PLCB1: variants seen among roughly 807,000 people sequenced by gnomAD.
The protein encoded by PLCB1 is phospholipase C beta 1, also known as 1-phosphatidylinositol 4,5-bisphosphate phosphodiesterase beta-1.
Under a neutral mutation model 161.8 loss-of-function variants are expected in PLCB1, and 46 were observed. That is an observed-to-expected ratio of 0.28 (90% CI 0.22 to 0.36). The LOEUF (loss-of-function observed/expected upper bound fraction) is 0.36. Ranked by LOEUF, PLCB1 falls within the 10% of genes least tolerant of loss-of-function variation. The probability of loss-of-function intolerance (pLI) is 1.00; values close to 1 mark genes in which losing one functional copy is unlikely to be tolerated. For missense variants in PLCB1, 1,016 were observed against 1,472.5 expected (o/e 0.69, Z 5.07); for synonymous variants, 517 against 503.7 (o/e 1.03, Z -0.35).
At chr20:8,454,740 C>A (rs1981223443) in intron 3 of PLCB1, among the ~76,000 whole-genome samples, 1 of 152,176 alleles carries the variant, frequency 6.6e-6, no homozygotes, top group African/African-American at 2.4e-5. Context: ...TGATTCAGAC[C>A]TTCCCTGGGC....
intron 3 of PLCB1, among the ~76,000 whole-genome samples, chr20:8,625,484 A>G (rs1988309752): frequency 6.6e-6 from 1 of 152,234 alleles, no homozygotes; most frequent in African/African-American, 2.4e-5. Context: ...ATAAATGAAG[A>G]AAAGATACAG....
At chr20:8,521,755 G>A (rs541847903) in intron 3 of PLCB1, among the ~76,000 whole-genome samples, 4 of 152,246 alleles carry the variant, frequency 2.6e-5, no homozygotes, top group East Asian at 1.9e-4. Flanking sequence ...AAATACATTG[G>A]TACTTAAGCA....
chr20:8,243,210 G>T lies in PLCB1; in HGVS notation c.177+92839G>T, dbSNP rs139920684. Among the ~76,000 whole-genome samples, 535 of 152,096 alleles carry T rather than the reference G, an allele frequency of 3.5e-3. 8 individuals carry two copies. The highest frequency in any genetic ancestry group is 6.8e-3 in the Middle Eastern group (2 of 294). ...CTGTTCGGTAGGGAAAACTCTAGAA[G>T]CAAGCCCAGCACTTCTGTGGATAAG... On this transcript the variant is annotated intron_variant, in intron 2 of 31. Transcript: ENST00000338037.
chr20:8,856,488 C>A (rs1160678358), intron 31 of PLCB1, among the ~76,000 whole-genome samples: 2 of 151,956 alleles, frequency 1.3e-5, no homozygotes, highest in Non-Finnish European at 2.9e-5. Flanking sequence ...TGGGGGCACA[C>A]GCCTGTAGTT....
chr20:8,749,089 A>G (rs1327294296), intron 23 of PLCB1, among the ~76,000 whole-genome samples: 2 of 152,188 alleles, frequency 1.3e-5, no homozygotes, highest in Non-Finnish European at 1.5e-5. Flanking sequence ...CCCATGGACC[A>G]TATTTGGATT....
intron 2 of PLCB1, among the ~76,000 whole-genome samples, chr20:8,276,667 G>A (rs1438532624): frequency 6.6e-6 from 1 of 152,046 alleles, no homozygotes; most frequent in African/African-American, 2.4e-5. Flanking sequence ...TCCAAAATAT[G>A]TTGTTTTGTT....
intron 3 of PLCB1, among the ~76,000 whole-genome samples, chr20:8,432,882 A>T (rs1980114509): frequency 2.6e-5 from 4 of 152,200 alleles, no homozygotes; most frequent in Admixed American, 2.6e-4. Context: ...GTTAAATTTA[A>T]CTGAACTCCA....
intron 31 of PLCB1, among the ~76,000 whole-genome samples, chr20:8,835,951 T>C (rs936735997): frequency 6.6e-6 from 1 of 152,208 alleles, no homozygotes; most frequent in East Asian, 1.9e-4. Flanking sequence ...TTGGGCTTCA[T>C]TGATCCCAGC....
At chr20:8,159,824 C>T (rs1373602087) in intron 2 of PLCB1, among the ~76,000 whole-genome samples, 1 of 151,574 alleles carries the variant, frequency 6.6e-6, no homozygotes, top group Non-Finnish European at 1.5e-5. Flanking sequence ...CCCATCTCTA[C>T]TAAAAACACA....
chr20:8,391,016 G>T (rs1987570101), intron 3 of PLCB1, among the ~76,000 whole-genome samples: 1 of 151,638 alleles, frequency 6.6e-6, no homozygotes, highest in African/African-American at 2.4e-5. Context: ...AATGCATTTT[G>T]CCATCATTAT....
At chr20:8,675,447 A>G (rs1990051434) in intron 9 of PLCB1, among the ~76,000 whole-genome samples, 1 of 152,180 alleles carries the variant, frequency 6.6e-6, no homozygotes, top group Non-Finnish European at 1.5e-5. Flanking sequence ...ACTTCTCATT[A>G]GAAAAAATAT....
At chr20:8,216,674 G>C (rs553623413) in intron 2 of PLCB1, among the ~76,000 whole-genome samples, 122 of 152,154 alleles carry the variant, frequency 8.0e-4, no homozygotes, top group African/African-American at 2.9e-3. Flanking sequence ...AAAGGTCAGA[G>C]AAAAGGCCCC....
At chr20:8,751,378 T>A (rs1207788070) in intron 23 of PLCB1, 1 of 152,302 alleles carries the variant, frequency 6.6e-6, no homozygotes, top group East Asian at 1.9e-4. Flanking sequence ...CAAATCCTAA[T>A]TCTCTGCTGC....
chr20:8,618,355 T>C (rs1988087783), intron 3 of PLCB1, among the ~76,000 whole-genome samples: 1 of 152,150 alleles, frequency 6.6e-6, no homozygotes, highest in Non-Finnish European at 1.5e-5. Context: ...AAATTTCCTT[T>C]CTATTCCCTA....
Position 8,224,807 on chromosome 20 carries a change from C to CCT in PLCB1, c.177+74438_177+74439dup, listed in dbSNP as rs1307643657. On this transcript the variant is annotated intron_variant, in intron 2 of 31. Coordinates refer to ENST00000338037, the MANE Select transcript of PLCB1 (RefSeq NM_015192.4). ...TGTGTTCTTTCTATTCACTATCCAT[C>CCT]CTCACCAAGGTAGAATATTCTGACT... Among the ~76,000 whole-genome samples the CCT allele has an allele frequency of 2.0e-5, 3 of 152,260 alleles. No individual in the cohort carries two copies. The East Asian group carries it at 5.8e-4, about 29-fold the overall frequency.
At chr20:8,759,697 G>A (rs1007116412) in intron 24 of PLCB1, among the ~76,000 whole-genome samples, 7 of 151,632 alleles carry the variant, frequency 4.6e-5, no homozygotes, top group Non-Finnish European at 8.8e-5. Context: ...ACGGGGTTTC[G>A]CCATGTTGGT....
chr20:8,433,901 T>G lies in PLCB1; in HGVS notation c.246+62451T>G, dbSNP rs1980178439. 2.0e-5 allele frequency among the ~76,000 whole-genome samples: 3 copies of G among 152,192 alleles called. No individual in the cohort carries two copies. The South Asian group carries it at 6.2e-4, about 31-fold the overall frequency. On this transcript the variant is annotated intron_variant, in intron 3 of 31. Coordinates refer to ENST00000338037, the MANE Select transcript of PLCB1 (RefSeq NM_015192.4). ...ATGGGTAGCACCAAGGGATAAGCTC[T>G]TTCTCTGGAAGAATAGTACATTTCT...
At chr20:8,552,544 T>A (rs574779035) in intron 3 of PLCB1, among the ~76,000 whole-genome samples, 1 of 152,206 alleles carries the variant, frequency 6.6e-6, no homozygotes, top group African/African-American at 2.4e-5. Flanking sequence ...AATAGCCATA[T>A]GTATTTGTAA....
At chr20:8,406,227 C>T (rs916205353) in intron 3 of PLCB1, among the ~76,000 whole-genome samples, 1 of 152,162 alleles carries the variant, frequency 6.6e-6, no homozygotes, top group African/African-American at 2.4e-5. Flanking sequence ...CTTAAAGCTA[C>T]ATTTTAAAAT....
Sources: allele counts gnomAD v4.1 joint callset (sites outside exome capture counted in the v4.1 genomes callset), GRCh38; gene constraint gnomAD v4.1.1; transcripts MANE v1.5; gene names NCBI Gene and HGNC (gene_info 2026-07-23, HGNC 2026-07-21).